The following ZNF326 variants were observed in gnomAD, a reference collection of about 807,000 sequenced individuals.
ZNF326 encodes the protein zinc finger protein 326.
Under a neutral mutation model 63.1 loss-of-function variants are expected in ZNF326, and 30 were observed. That is an observed-to-expected ratio of 0.48 (90% CI 0.36 to 0.64). ZNF326 has a LOEUF of 0.64. Ranked by LOEUF, ZNF326 falls within the 30% of genes least tolerant of loss-of-function variation. The pLI is 0.00. For synonymous variants in ZNF326, 194 were observed against 228.2 expected (o/e 0.85, Z 1.35); for missense variants, 609 against 720.3 (o/e 0.85, Z 1.77).
chr1:90,014,936 T>C (rs1424883976), intron 7 of ZNF326, among the ~76,000 whole-genome samples: 1 of 152,272 alleles, frequency 6.6e-6, no homozygotes, highest in East Asian at 1.9e-4. Flanking sequence ...ACTTTTCTCA[T>C]GAAAAATTTT....
chr1:90,017,313 A>T lies in ZNF326; in HGVS notation c.927-4A>T. The T allele has an allele frequency of 6.4e-7, 1 of 1,574,558 alleles. No homozygotes were observed. Among genetic ancestry groups the T allele is most frequent in the Admixed American group, 2.0e-5 (1 of 49,150 alleles). On this transcript the variant is annotated splice_polypyrimidine_tract_variant and splice_region_variant and intron_variant, in intron 7 of 11. Transcript: ENST00000340281. ...TTAAAGGAAAACTTTTTTTTCTCTT[A>T]CAGAATGGCATTTACATGTTCATTT...
In ZNF326 at chr1:90,017,447, G is replaced by C; in HGVS notation, c.1057G>C (p.Val353Leu). The C allele has an allele frequency of 6.3e-7, 1 of 1,587,342 alleles. No individual in the cohort carries two copies. Among genetic ancestry groups the C allele is most frequent in the South Asian group, 1.2e-5 (1 of 84,012 alleles). The change falls in exon 8 of 12, where the codon GTT becomes CTT. Residue 353 changes from valine (V) to leucine (L), a missense_variant. Around this residue, in one of 3 missense-constraint regions of ZNF326, gnomAD observed 399 missense variants for 444.3 expected, o/e 0.90. Coordinates refer to ENST00000340281, the MANE Select transcript of ZNF326 (RefSeq NM_182976.4). ...GAAACAAACTAAATTTGATAAAGTA[G>C]TTATGGAGTTTTTGCATGTGAGTAG... is the stretch of plus-strand genomic sequence containing the variant. ...IQKQTKFDKVVMEFLHECMVN... is the reference protein window; with the variant it reads ...IQKQTKFDKVLMEFLHECMVN...
intron 11 of ZNF326, among the ~76,000 whole-genome samples, chr1:90,024,980 G>GTTTTTTTTTTTTTTT: frequency 7.8e-6 from 1 of 128,536 alleles, no homozygotes; most frequent in Non-Finnish European, 1.6e-5. Context: ...TTTTTTTCCT[G>GTTTTTTTTTTTTTTT]TTTTTTTTTT....
At chr1:90,008,011 G>T (rs986951511) in intron 5 of ZNF326, among the ~76,000 whole-genome samples, 9 of 152,144 alleles carry the variant, frequency 5.9e-5, no homozygotes, top group Non-Finnish European at 4.4e-5. Context: ...GTCTAAAAGG[G>T]GTTAAAAGGA....
In ZNF326 at chr1:90,022,239, G is replaced by GT. The variant is rs1649805922; in HGVS notation, c.1306-5dup. 3.8e-6 allele frequency: 6 copies of GT among 1,588,918 alleles called. No homozygotes were observed. Among genetic ancestry groups the GT allele is most frequent in the African/African-American group, 2.7e-5 (2 of 73,660 alleles). On this transcript the variant is annotated splice_polypyrimidine_tract_variant and intron_variant, in intron 10 of 11. Coordinates refer to ENST00000340281, the MANE Select transcript of ZNF326 (RefSeq NM_182976.4). ...TTTTCAAGAACCCTCAGTGTGTTCT[G>GT]TTTTTTATAGGCTTATAAGGAACAA...
At position 90,031,597 on chromosome 1, in the gene ZNF326, C is replaced by T. The variant is rs375399347; in HGVS notation, c.*3896C>T. 10 of 150,620 alleles carry T rather than the reference C, an allele frequency of 6.6e-5. No individual in the cohort carries two copies. Among genetic ancestry groups the T allele is most frequent in the Admixed American group, 2.0e-4 (3 of 15,118 alleles). The allele number at this position is 150,620 out of a possible 1,614,324, so 9.3% of individuals were successfully genotyped here. Reference sequence around the variant, plus strand: ...TTTGAGACATAGCCTCACTCTGTCACCCAGGCTGGAGTTCAGTGGCACTAT... The same window carrying T: ...TTTGAGACATAGCCTCACTCTGTCATCCAGGCTGGAGTTCAGTGGCACTAT... On this transcript the variant is annotated 3_prime_UTR_variant, in exon 12 of 12. Coordinates refer to ENST00000340281, the MANE Select transcript of ZNF326 (RefSeq NM_182976.4).
chr1:90,003,932 TAA>T (rs1648825930), intron 2 of ZNF326, among the ~76,000 whole-genome samples: 1 of 152,128 alleles, frequency 6.6e-6, no homozygotes, highest in Admixed American at 6.5e-5. Context: ...TTTAATGTTT[TAA>T]AAAATATAAA....
At chr1:90,010,402 T>C (rs1265751208) in intron 6 of ZNF326, 116 bp downstream of exon 6, 2 of 1,069,010 alleles carry the variant, frequency 1.9e-6, no homozygotes, top group East Asian at 5.2e-5. Flanking sequence ...ATTATGATTG[T>C]AGAAGTTAGA....
intron 11 of ZNF326, among the ~76,000 whole-genome samples, chr1:90,023,594 A>G (rs943208213): frequency 1.3e-5 from 2 of 152,144 alleles, no homozygotes; most frequent in African/African-American, 4.8e-5. Context: ...TTGAAATCCA[A>G]TTTTATGAGA....
intron 2 of ZNF326, among the ~76,000 whole-genome samples, chr1:90,000,804 C>T (rs1205213683): frequency 6.6e-6 from 1 of 152,120 alleles, no homozygotes; most frequent in African/African-American, 2.4e-5. Flanking sequence ...AGATAATTTG[C>T]TTATATATCA....
chr1:90,016,334 C>T (rs1013901840), intron 7 of ZNF326, among the ~76,000 whole-genome samples: 2 of 151,976 alleles, frequency 1.3e-5, no homozygotes, highest in Non-Finnish European at 2.9e-5. Context: ...AATAGCATTG[C>T]AAAGAATTAA....
intron 11 of ZNF326, among the ~76,000 whole-genome samples, chr1:90,027,055 A>T (rs573956942): frequency 6.8e-4 from 70 of 103,262 alleles, no homozygotes; most frequent in Non-Finnish European, 1.3e-3. Context: ...TGTCTTTGTC[A>T]TGTGTATATA....
At chr1:90,009,070 A>C (rs554298350) in intron 5 of ZNF326, among the ~76,000 whole-genome samples, 1 of 152,330 alleles carries the variant, frequency 6.6e-6, no homozygotes, top group African/African-American at 2.4e-5. Context: ...AATATTTTCC[A>C]TGCTGTATAT....
intron 1 of ZNF326, 117 bp downstream of exon 1, chr1:89,995,390 C>A: frequency 7.6e-7 from 1 of 1,314,198 alleles, no homozygotes; most frequent in Non-Finnish European, 1.0e-6. Flanking sequence ...GCCCGGAGGC[C>A]GCCCGCCCGC....
rs572409353 is a variant in ZNF326 at position 90,022,323 on chromosome 1, C to T, written c.1379C>T (p.Ala460Val). 2.8e-5 allele frequency: 45 copies of T among 1,612,194 alleles called. No homozygotes were observed. In the East Asian group the frequency reaches 2.9e-4, roughly 10 times the overall value. Residue 460 changes from alanine to valine, a missense_variant, in exon 11 of 12, where the codon GCG becomes GTG. By Grantham distance (64) the Ala-to-Val change is moderately conservative. Coordinates refer to ENST00000340281, the MANE Select transcript of ZNF326 (RefSeq NM_182976.4). ...ATTTTAAATAATCCAATAGTGAAGG[C>T]GCGATATGAACGTTTTGTTAAGGTA... ...TSILNNPIVK[A>V]RYERFVKGEN...
At chr1:90,021,118 A>C (rs1032452169) in intron 10 of ZNF326, among the ~76,000 whole-genome samples, 196 bp downstream of exon 10, 34 of 152,170 alleles carry the variant, frequency 2.2e-4, no homozygotes, top group Non-Finnish European at 4.7e-4. Context: ...GAGTTGTTCA[A>C]TCTATAACAT....
chr1:90,005,270 A>G lies in ZNF326; in HGVS notation c.209+26A>G, dbSNP rs578150271. ...GTAAATTGCTTAATCATTTGGCCAA[A>G]TAATTAGACAACTATAAGATTTTGG... is the stretch of plus-strand genomic sequence containing the variant. On this transcript the variant is annotated intron_variant, in intron 4 of 11. Coordinates refer to ENST00000340281, the MANE Select transcript of ZNF326 (RefSeq NM_182976.4). The G allele has an allele frequency of 6.2e-6, 10 of 1,600,734 alleles. No individual in the cohort carries two copies. In the South Asian group the frequency reaches 1.1e-4, roughly 18 times the overall value.
chr1:90,020,919 G>T lies in ZNF326; in HGVS notation c.1302G>T (p.Lys434Asn). The T allele has an allele frequency of 6.2e-7, 1 of 1,611,108 alleles. No individual in the cohort carries two copies. Reference sequence around the variant, plus strand: ...AATCTCCTGATCATATCAAAGGGAAGCAGGTAAAATTTTCATCTGTCTTAA... The same window carrying T: ...AATCTCCTGATCATATCAAAGGGAATCAGGTAAAATTTTCATCTGTCTTAA... ...HLKSPDHIKG[K>N]QAYKEQIKRE... The change falls in exon 10 of 12, where the codon AAG becomes AAT. Residue 434 changes from lysine to asparagine, a missense_variant. Around this residue, in one of 3 missense-constraint regions of ZNF326, gnomAD observed 399 missense variants for 444.3 expected, o/e 0.90. Transcript: ENST00000340281.
In ZNF326 at chr1:90,027,754, A is replaced by C; in HGVS notation, c.*53A>C. ...TTTACATTTCGGTTCTAATGTAAAAAAGGGTAAGAAATTTAATAGCTTAAA... is the reference window on the plus strand; with the variant it reads ...TTTACATTTCGGTTCTAATGTAAAACAGGGTAAGAAATTTAATAGCTTAAA... On this transcript the variant is annotated 3_prime_UTR_variant, in exon 12 of 12. Coordinates refer to ENST00000340281, the MANE Select transcript of ZNF326 (RefSeq NM_182976.4). 1 of 1,552,170 alleles carries C rather than the reference A, an allele frequency of 6.4e-7. No homozygotes were observed. The highest frequency in any genetic ancestry group is 2.2e-5 in the East Asian group (1 of 44,492).
Sources: allele counts gnomAD v4.1 joint callset (sites outside exome capture counted in the v4.1 genomes callset), GRCh38; gene constraint gnomAD v4.1.1; regional missense constraint gnomAD v4.1.1; transcripts MANE v1.5; gene names NCBI Gene and HGNC (gene_info 2026-07-23, HGNC 2026-07-21).